Variants in PDE10A observed in about 807,000 individuals in gnomAD.
PDE10A encodes the protein phosphodiesterase 10A, also known as cAMP and cAMP-inhibited cGMP 3',5'-cyclic phosphodiesterase 10A.
Under a neutral mutation model 97.7 loss-of-function variants are expected in PDE10A, and 39 were observed. That is an observed-to-expected ratio of 0.40 (90% CI 0.31 to 0.52). The LOEUF is 0.52. PDE10A is among the 20% of genes least tolerant of loss of function. The pLI is 0.56. For synonymous variants in PDE10A, 371 were observed against 376.8 expected, an observed-to-expected ratio of 0.98 and a Z score of 0.18; for missense variants, 731 against 1,047.8, an observed-to-expected ratio of 0.70 and a Z score of 4.17.
intron 18 of PDE10A, among the ~76,000 whole-genome samples, chr6:165,346,276 G>A (rs1782302493): frequency 1.3e-5 from 2 of 152,086 alleles, no homozygotes; most frequent in Admixed American, 1.3e-4. Flanking sequence ...GAGAGGTGAG[G>A]GCAGCTTGAA....
intron 1 of PDE10A, among the ~76,000 whole-genome samples, chr6:165,618,984 GTAGTGTAGTCTAGTGTAGTGTAGTC>G (rs1787860453): frequency 1.3e-5 from 1 of 79,476 alleles, no homozygotes; most frequent in African/African-American, 9.5e-5. Flanking sequence ...GTAGTCTAGT[GTAGTGTAGTCTAGTGTAGTGTAGTC>G]TAGTGTAGTC....
chr6:165,594,310 A>T (rs1786454142), intron 1 of PDE10A, among the ~76,000 whole-genome samples: 1 of 152,118 alleles, frequency 6.6e-6, no homozygotes, highest in Non-Finnish European at 1.5e-5. Flanking sequence ...GTTAATAAAG[A>T]CATATGAAAT....
intron 1 of PDE10A, among the ~76,000 whole-genome samples, chr6:165,821,173 C>T (rs1779558588): frequency 6.6e-6 from 1 of 152,210 alleles, no homozygotes; most frequent in Non-Finnish European, 1.5e-5. Context: ...AGCCACTGAT[C>T]AGAGACTAAG....
At position 165,388,364 on chromosome 6, in the gene PDE10A, C is replaced by A. The variant is rs758838283; in HGVS notation, c.2544G>T (p.Leu848=). The part of the protein sequence containing the change: ...NSYLQKFDHP[L]AALYSTSTME... ...TGGTGGAAGTGGAGTAGAGAGCGGCCAGAGGGTGGTCGAACTTCTGCAGGT... is the reference window on the plus strand; with the variant it reads ...TGGTGGAAGTGGAGTAGAGAGCGGCAAGAGGGTGGTCGAACTTCTGCAGGT... The change falls in exon 17 of 22, where the codon CTG becomes CTT. Residue 848 remains leucine, a synonymous_variant. Transcript: ENST00000539869. This position sits in a 1 kb window ranked among gnomAD's most constrained non-coding sequence, Gnocchi z 4.0. The A allele has an allele frequency of 5.0e-6, 8 of 1,614,056 alleles. No homozygotes were observed. The Admixed American group carries it at 1.3e-4, about 27-fold the overall frequency.
At chr6:165,633,298 AG>A (rs1348119634) in intron 1 of PDE10A, among the ~76,000 whole-genome samples, 1 of 152,174 alleles carries the variant, frequency 6.6e-6, no homozygotes, top group Non-Finnish European at 1.5e-5. Context: ...TCAATAATAA[AG>A]GGGCACAGGT....
chr6:165,461,943 T>A (rs1040486191), intron 3 of PDE10A, among the ~76,000 whole-genome samples: 11 of 152,244 alleles, frequency 7.2e-5, no homozygotes, highest in African/African-American at 2.7e-4. Flanking sequence ...CAAATGGATG[T>A]CACACATGTT....
chr6:165,490,781 C>G (rs910062805), intron 2 of PDE10A, among the ~76,000 whole-genome samples: 1 of 152,060 alleles, frequency 6.6e-6, no homozygotes, highest in Non-Finnish European at 1.5e-5. Context: ...ATGGGGAAAC[C>G]CCACGTCTAC....
chr6:165,958,559 AAGAAAGAC>A lies in PDE10A; in HGVS notation c.-615+28962_-615+28969del, dbSNP rs1459427470. Among the ~76,000 whole-genome samples, 199 of 34,100 alleles carry A rather than the reference AAGAAAGAC, an allele frequency of 5.8e-3. 6 individuals carry two copies. Among genetic ancestry groups the A allele is most frequent in the African/African-American group, 0.02 (189 of 9,262 alleles). The allele number at this position is 34,100 out of a possible 152,430, so 22.4% of individuals were successfully genotyped here. On this transcript the variant is annotated intron_variant, in intron 1 of 19. Transcript: ENST00000366882. Reference sequence around the variant, plus strand: ...AAAGAAAGAAAGAAAGAAAGAAAGAAAGAAAGACAGACAGAAAGAAAGACAGAAAGAGA... The same window carrying A: ...AAAGAAAGAAAGAAAGAAAGAAAGAAAGACAGAAAGAAAGACAGAAAGAGA...
At chr6:165,778,227 C>A (rs947072033) in intron 1 of PDE10A, among the ~76,000 whole-genome samples, 1 of 152,034 alleles carries the variant, frequency 6.6e-6, no homozygotes, top group Non-Finnish European at 1.5e-5. Flanking sequence ...CCCACCATCA[C>A]GCCCGGCTAA....
chr6:165,608,306 T>C (rs1429212246), intron 1 of PDE10A, among the ~76,000 whole-genome samples: 2 of 127,274 alleles, frequency 1.6e-5, no homozygotes, highest in Non-Finnish European at 3.1e-5. Flanking sequence ...TACCCCTTCC[T>C]GTGTCCAAGT....
chr6:165,910,209 G>A (rs888248133), intron 1 of PDE10A, among the ~76,000 whole-genome samples: 5 of 152,110 alleles, frequency 3.3e-5, no homozygotes, highest in African/African-American at 1.2e-4. Context: ...AGATGGGGCC[G>A]ACCAGTGTTA....
intron 1 of PDE10A, among the ~76,000 whole-genome samples, chr6:165,668,298 T>C (rs752387731): frequency 1.3e-5 from 2 of 152,214 alleles, no homozygotes; most frequent in Non-Finnish European, 2.9e-5. Flanking sequence ...CTGATTTCTA[T>C]GGACACCTTT....
At chr6:165,597,176 T>C (rs1786649299) in intron 1 of PDE10A, among the ~76,000 whole-genome samples, 1 of 152,156 alleles carries the variant, frequency 6.6e-6, no homozygotes, top group Non-Finnish European at 1.5e-5. Flanking sequence ...TATTTTAATC[T>C]ATTCATTCAC....
At chr6:165,642,151 C>T (rs1187969624) in intron 1 of PDE10A, among the ~76,000 whole-genome samples, 2 of 152,228 alleles carry the variant, frequency 1.3e-5, no homozygotes, top group African/African-American at 4.8e-5. Flanking sequence ...GGTCTCTGCA[C>T]AAGCTGCCCC....
intron 2 of PDE10A, among the ~76,000 whole-genome samples, chr6:165,522,491 A>G (rs181762048): frequency 2.6e-4 from 40 of 152,230 alleles, no homozygotes; most frequent in Admixed American, 2.5e-3. Context: ...AATCCACATA[A>G]AAGACCACAT....
intron 2 of PDE10A, among the ~76,000 whole-genome samples, chr6:165,494,455 TG>T (rs147975310): frequency 0.1 from 13,612 of 133,988 alleles, 2,294 homozygotes; most frequent in African/African-American, 0.36. Flanking sequence ...AAAGAAAATG[TG>T]GGGGGGGGTG....
chr6:165,755,694 G>A (rs1793100852), intron 1 of PDE10A, among the ~76,000 whole-genome samples: 1 of 152,186 alleles, frequency 6.6e-6, no homozygotes, highest in Non-Finnish European at 1.5e-5. Context: ...AAATGGAACA[G>A]GGAAAGAGGG....
At chr6:165,913,704 A>G (rs1782529814) in intron 1 of PDE10A, among the ~76,000 whole-genome samples, 1 of 152,218 alleles carries the variant, frequency 6.6e-6, no homozygotes, top group Admixed American at 6.5e-5. Context: ...TCACGGTTTC[A>G]TAAAAGGAGA....
At chr6:165,924,200 A>T (rs556882617) in intron 1 of PDE10A, among the ~76,000 whole-genome samples, 1 of 152,202 alleles carries the variant, frequency 6.6e-6, no homozygotes, top group African/African-American at 2.4e-5. Context: ...TGGATAAAAT[A>T]TCTCTCTCTG....
Sources: gnomAD v4.1 joint callset for allele counts (sites outside exome capture counted in the v4.1 genomes callset) on GRCh38, gnomAD v4.1.1 for gene constraint, Gnocchi (gnomAD v3.1) non-coding constraint, MANE v1.5 for transcripts, NCBI Gene and HGNC (gene_info 2026-07-23, HGNC 2026-07-21) for gene names.